CBLN2: variants seen among roughly 807,000 people sequenced by gnomAD.
CBLN2 encodes cerebellin 2 precursor, also known as cerebellin-2.
In CBLN2, 7 loss-of-function variants were observed where a neutral mutation model predicts 15.0. That is an observed-to-expected ratio of 0.47 (90% CI 0.27 to 0.88). CBLN2 has a LOEUF of 0.88. Ranked by LOEUF, CBLN2 falls within the 40% of genes least tolerant of loss-of-function variation. The probability of loss-of-function intolerance (pLI) is 0.14; values close to 1 mark genes in which losing one functional copy is unlikely to be tolerated. For synonymous variants in CBLN2, 149 were observed against 135.2 expected, an observed-to-expected ratio of 1.10 and a Z score of -0.71; for missense variants, 242 against 304.5, an observed-to-expected ratio of 0.79 and a Z score of 1.53.
intron 1 of CBLN2, among the ~76,000 whole-genome samples, chr18:72,614,903 A>G (rs1360794880): frequency 6.6e-6 from 1 of 151,000 alleles, no homozygotes; most frequent in Non-Finnish European, 1.5e-5. Context: ...AAATTAACAT[A>G]GTTATGTATT....
At chr18:72,628,365 G>A (rs1206157517) in intron 1 of CBLN2, among the ~76,000 whole-genome samples, 1 of 152,204 alleles carries the variant, frequency 6.6e-6, no homozygotes, top group Non-Finnish European at 1.5e-5. Context: ...GGGCTCTTGG[G>A]ATCCATATGT....
chr18:72,619,220 T>C (rs908344017), intron 1 of CBLN2: 2 of 929,888 alleles, frequency 2.2e-6, no homozygotes, highest in Non-Finnish European at 3.4e-6. Context: ...GCAGAAGATT[T>C]TAATTACAGT....
intron 1 of CBLN2, among the ~76,000 whole-genome samples, chr18:72,626,652 A>G (rs2069741485): frequency 6.6e-6 from 1 of 152,118 alleles, no homozygotes; most frequent in Non-Finnish European, 1.5e-5. Flanking sequence ...GTGAGCCAAG[A>G]TTGCACCACT....
intron 1 of CBLN2, among the ~76,000 whole-genome samples, chr18:72,573,836 A>G (rs1396686375): frequency 1.3e-5 from 2 of 152,206 alleles, no homozygotes; most frequent in Non-Finnish European, 2.9e-5. Flanking sequence ...ATCTTACGGT[A>G]AGTAGTTTTG....
chr18:72,629,160 C>T (rs1472148728), intron 1 of CBLN2, among the ~76,000 whole-genome samples: 1 of 152,142 alleles, frequency 6.6e-6, no homozygotes, highest in African/African-American at 2.4e-5. Context: ...AAAGAGTCCA[C>T]TGGTCTTCTT....
In CBLN2 at chr18:72,541,805, T is replaced by C; in HGVS notation, c.356A>G (p.Gln119Arg). The C allele has an allele frequency of 1.9e-6, 3 of 1,542,770 alleles. No homozygotes were observed. Among genetic ancestry groups the C allele is most frequent in the Non-Finnish European group, 1.7e-6 (2 of 1,144,120 alleles). Residue 119 changes from glutamine (Q) to arginine (R), a missense_variant and splice_region_variant, in exon 3 of 5, where the codon CAG becomes CGG. Physicochemically the swap from Gln to Arg is conservative, Grantham distance 43. Coordinates refer to ENST00000269503, the MANE Select transcript of CBLN2 (RefSeq NM_182511.4). ...GGGGTGGGCAGGCCGACGGCTGACC[T>C]GGTCGAAATAGATGGTCATGGTGCG... ...SNRTMTIYFD[Q>R]VLVNIGNHFD...
intron 1 of CBLN2, among the ~76,000 whole-genome samples, chr18:72,629,598 G>T (rs1249169293): frequency 6.6e-6 from 1 of 152,100 alleles, no homozygotes; most frequent in Non-Finnish European, 1.5e-5. Context: ...CTTTAATTTT[G>T]AATTCATGAT....
At chr18:72,556,841 CA>C (rs1422982320) in intron 1 of CBLN2, among the ~76,000 whole-genome samples, 2 of 151,708 alleles carry the variant, frequency 1.3e-5, no homozygotes, top group East Asian at 3.9e-4. Context: ...AGGCTTGAAA[CA>C]AGAAGCAGGG....
intron 1 of CBLN2, among the ~76,000 whole-genome samples, chr18:72,621,088 C>A (rs2069697701): frequency 6.6e-6 from 1 of 152,078 alleles, no homozygotes; most frequent in East Asian, 1.9e-4. Context: ...TTGCCAGTGC[C>A]CTTTCCTTTC....
At chr18:72,563,008 G>C (rs898382018) in intron 1 of CBLN2, among the ~76,000 whole-genome samples, 13 of 152,190 alleles carry the variant, frequency 8.5e-5, no homozygotes, top group African/African-American at 2.9e-4. Context: ...GTAAAACTTT[G>C]TCTTAATATT....
chr18:72,596,334 GCTT>G (rs1467027729), intron 1 of CBLN2, among the ~76,000 whole-genome samples: 2 of 151,856 alleles, frequency 1.3e-5, no homozygotes, highest in Non-Finnish European at 2.9e-5. Context: ...TCATCCTCCT[GCTT>G]CTTAACTTTT....
intron 1 of CBLN2, among the ~76,000 whole-genome samples, chr18:72,599,829 G>A (rs891636430): frequency 6.6e-6 from 1 of 152,210 alleles, no homozygotes; most frequent in African/African-American, 2.4e-5. Context: ...AGGAAGGCAG[G>A]TGATAAGAGA....
chr18:72,586,971 A>T (rs1158041788), intron 1 of CBLN2, among the ~76,000 whole-genome samples: 1 of 152,076 alleles, frequency 6.6e-6, no homozygotes, highest in East Asian at 1.9e-4. Flanking sequence ...TAAACCTGTT[A>T]TCCAGTTACA....
At chr18:72,546,755 G>T (rs796873308), upstream of CBLN2, among the ~76,000 whole-genome samples, 1 of 152,304 alleles carries the variant, frequency 6.6e-6, no homozygotes, top group African/African-American at 2.4e-5. Context: ...GTAAAGACAG[G>T]TGTTCACACA....
intron 1 of CBLN2, among the ~76,000 whole-genome samples, chr18:72,630,306 G>A (rs2069766451): frequency 6.6e-6 from 1 of 152,050 alleles, no homozygotes; most frequent in Non-Finnish European, 1.5e-5. Context: ...GAAATATTGT[G>A]ATTAGTCCTG....
At chr18:72,583,612 T>C (rs1168645555) in intron 1 of CBLN2, among the ~76,000 whole-genome samples, 1 of 152,230 alleles carries the variant, frequency 6.6e-6, no homozygotes, top group Admixed American at 6.5e-5. Flanking sequence ...TGACATTTAT[T>C]CTTTTTAAAA....
At position 72,544,059 on chromosome 18, in the gene CBLN2, T is replaced by C. The variant is rs1158631315; in HGVS notation, c.-294A>G. 2.0e-5 allele frequency: 3 copies of C among 152,212 alleles called. No homozygotes were observed. Among genetic ancestry groups the C allele is most frequent in the African/African-American group, 7.2e-5 (3 of 41,544 alleles). 9.4% of individuals were successfully genotyped at this position (152,212 alleles called of 1,614,324 possible). ...AAAGCACCGGTCGCTTCTCTTCTTT[T>C]AGATTCTTTCTTTTCTTTCCCCAAT... On this transcript the variant is annotated 5_prime_UTR_variant, in exon 1 of 5. Coordinates refer to ENST00000269503, the MANE Select transcript of CBLN2 (RefSeq NM_182511.4).
chr18:72,557,648 G>A (rs925010795), intron 1 of CBLN2, among the ~76,000 whole-genome samples: 1 of 152,182 alleles, frequency 6.6e-6, no homozygotes, highest in Non-Finnish European at 1.5e-5. Flanking sequence ...GCAAACTAAT[G>A]CAGGAACAGA....
chr18:72,559,350 T>G (rs896063810), intron 1 of CBLN2, among the ~76,000 whole-genome samples: 1 of 152,204 alleles, frequency 6.6e-6, no homozygotes, highest in African/African-American at 2.4e-5. Flanking sequence ...AGTCAACATT[T>G]GATGAATTTG....
Sources: allele counts gnomAD v4.1 joint callset (sites outside exome capture counted in the v4.1 genomes callset), GRCh38; gene constraint gnomAD v4.1.1; transcripts MANE v1.5; gene names NCBI Gene and HGNC (gene_info 2026-07-23, HGNC 2026-07-21).